The following PLB1 variants were observed in gnomAD, a reference collection of about 807,000 sequenced individuals.
The protein encoded by PLB1 is phospholipase B1.
A neutral mutation model predicts 227.4 loss-of-function variants in PLB1; 242 were observed. The observed-to-expected ratio is 1.06, with a 90% CI of 0.96 to 1.18. PLB1 has a LOEUF of 1.18. Ranked by LOEUF, PLB1 falls within the 50% of genes most tolerant of loss-of-function variation. The pLI is 0.00. For synonymous variants in PLB1, 757 were observed against 682.2 expected (o/e 1.11, Z -1.71); for missense variants, 1,858 against 1,816.3 (o/e 1.02, Z -0.42).
intron 4 of PLB1, among the ~76,000 whole-genome samples, chr2:28,521,860 G>C (rs1003711802): frequency 6.6e-6 from 1 of 151,922 alleles, no homozygotes; most frequent in Non-Finnish European, 1.5e-5. Flanking sequence ...CCTGAACCAG[G>C]ATACTCTTTC....
chr2:28,602,701 C>T (rs1249100940), intron 38 of PLB1, 120 bp from the exon 39 acceptor site: 1 of 865,880 alleles, frequency 1.2e-6, no homozygotes, highest in Middle Eastern at 2.3e-4. Context: ...GACTCCTCCC[C>T]AGAACTCAAC....
chr2:28,619,519 G>GGT (rs1553459984), intron 46 of PLB1, among the ~76,000 whole-genome samples: 67 of 124,604 alleles, frequency 5.4e-4, no homozygotes, highest in Non-Finnish European at 8.6e-4. Context: ...AAATTTCAAG[G>GGT]TTTTGTTTTT....
intron 29 of PLB1, among the ~76,000 whole-genome samples, chr2:28,590,548 C>A (rs1681729390): frequency 6.6e-6 from 1 of 152,128 alleles, no homozygotes; most frequent in South Asian, 2.1e-4. Context: ...GAAAGAAAAG[C>A]AGAAGAAGCC....
chr2:28,586,908 C>G (rs562534168), intron 26 of PLB1, among the ~76,000 whole-genome samples: 2 of 152,076 alleles, frequency 1.3e-5, no homozygotes, highest in Non-Finnish European at 2.9e-5. Context: ...CCACCACACC[C>G]GGCTACTTTT....
At chr2:28,521,149 T>G (rs1278650044) in intron 4 of PLB1, among the ~76,000 whole-genome samples, 2 of 152,228 alleles carry the variant, frequency 1.3e-5, no homozygotes, top group African/African-American at 4.8e-5. Context: ...TATATCTAGA[T>G]CAGATTTCAT....
In PLB1 at chr2:28,613,239, G is replaced by C. The variant is rs184678834; in HGVS notation, c.3130-792G>C. Among the ~76,000 whole-genome samples, 180 of 152,218 alleles carry C rather than the reference G, an allele frequency of 1.2e-3. 6 individuals carry two copies. In the East Asian group the frequency reaches 0.031, roughly 26 times the overall value. ...TGTGCCAGCCTGGTTTTTTCTTCTTGTTCCCATTTTATTCTCACATTTTCA... is the reference window on the plus strand; with the variant it reads ...TGTGCCAGCCTGGTTTTTTCTTCTTCTTCCCATTTTATTCTCACATTTTCA... On this transcript the variant is annotated intron_variant, in intron 43 of 57. Transcript: ENST00000327757.
intron 1 of PLB1, among the ~76,000 whole-genome samples, chr2:28,508,696 C>T (rs72860567): frequency 0.065 from 9,850 of 152,284 alleles, 1,028 homozygotes; most frequent in African/African-American, 0.22. Flanking sequence ...TCCAAGCTCA[C>T]CAGCACAGCT....
intron 43 of PLB1, among the ~76,000 whole-genome samples, chr2:28,612,769 A>ATTTTTTTTTTTTTTTT (rs10557060): frequency 2.4e-5 from 3 of 124,908 alleles, no homozygotes; most frequent in African/African-American, 9.2e-5. Context: ...CCACACCTGG[A>ATTTTTTTTTTTTTTTT]TTTTTTTTTT....
chr2:28,626,603 C>T (rs1687826621), intron 51 of PLB1, 95 bp downstream of exon 51: 16 of 633,322 alleles, frequency 2.5e-5, no homozygotes, highest in Non-Finnish European at 3.8e-5. Flanking sequence ...GCCCCGAGCT[C>T]CTTGCTCATG....
At chr2:28,611,873 G>T (rs1685501955) in intron 43 of PLB1, among the ~76,000 whole-genome samples, 1 of 152,224 alleles carries the variant, frequency 6.6e-6, no homozygotes, top group Admixed American at 6.5e-5. Flanking sequence ...GGGCGCAGTG[G>T]CTCACGTCTG....
At chr2:28,632,804 T>G in intron 55 of PLB1, 140 bp from the exon 56 acceptor site, 1 of 640,344 alleles carries the variant, frequency 1.6e-6, no homozygotes, top group South Asian at 1.9e-5. Context: ...TGGGAGTTTT[T>G]CCATCAGTAT....
At chr2:28,622,859 C>T (rs1687223957) in intron 49 of PLB1, among the ~76,000 whole-genome samples, 1 of 152,002 alleles carries the variant, frequency 6.6e-6, no homozygotes, top group South Asian at 2.1e-4. Flanking sequence ...GCACTCCAGC[C>T]CGGATAACAA....
chr2:28,606,848 G>T (rs528814583), intron 43 of PLB1, among the ~76,000 whole-genome samples: 4 of 152,224 alleles, frequency 2.6e-5, no homozygotes, highest in Non-Finnish European at 4.4e-5. Flanking sequence ...GCTCCTGAGA[G>T]AGGAAATCAG....
intron 1 of PLB1, among the ~76,000 whole-genome samples, chr2:28,507,779 A>G (rs1397086544): frequency 6.6e-6 from 1 of 152,142 alleles, no homozygotes; most frequent in Admixed American, 6.5e-5. Context: ...GCATCAGAGG[A>G]TGGAGACAGG....
chr2:28,624,910 T>A, intron 49 of PLB1, 147 bp from the exon 50 acceptor site: 1 of 769,418 alleles, frequency 1.3e-6, no homozygotes. Context: ...TGATTGTTAC[T>A]AAGCTGAGAT....
chr2:28,585,877 C>T, intron 26 of PLB1, 35 bp downstream of exon 26: 2 of 1,514,206 alleles, frequency 1.3e-6, no homozygotes, highest in Non-Finnish European at 1.8e-6. Context: ...CTTCCCAGAA[C>T]TGCTGTGTGA....
chr2:28,592,458 T>C (rs1290843559), intron 31 of PLB1, among the ~76,000 whole-genome samples: 2 of 151,968 alleles, frequency 1.3e-5, no homozygotes, highest in African/African-American at 4.8e-5. Context: ...CACCTCTCTT[T>C]CCCTGTAGGT....
At chr2:28,553,055 C>T (rs1331749180) in intron 17 of PLB1, 64 bp downstream of exon 17, 2 of 1,402,588 alleles carry the variant, frequency 1.4e-6, no homozygotes, top group South Asian at 2.3e-5. Flanking sequence ...CAAGTAAGGG[C>T]TTTCCACATA....
Position 28,548,947 on chromosome 2 carries a change from C to T in PLB1, c.1008+16C>T. 6.2e-7 allele frequency: 1 copy of T among 1,612,572 alleles called. No homozygotes were observed. The highest frequency in any genetic ancestry group is 8.5e-7 in the Non-Finnish European group (1 of 1,178,702). The stretch of plus-strand genomic sequence containing the variant: ...TCCCTCTCAGGTAGGAGGGACTGGG[C>T]AGAGGAGGGACTCTTATTGAATCGA... On this transcript the variant is annotated intron_variant, in intron 15 of 57. Coordinates refer to ENST00000327757, the MANE Select transcript of PLB1 (RefSeq NM_153021.5).
Sources: allele counts gnomAD v4.1 joint callset (sites outside exome capture counted in the v4.1 genomes callset), GRCh38; gene constraint gnomAD v4.1.1; transcripts MANE v1.5; gene names NCBI Gene and HGNC (gene_info 2026-07-23, HGNC 2026-07-21).